Variants in IL12B observed in about 807,000 individuals in gnomAD.
The protein encoded by IL12B is interleukin 12B.
A neutral mutation model predicts 39.2 loss-of-function variants in IL12B; 27 were observed. That is an observed-to-expected ratio of 0.69 (90% CI 0.51 to 0.95). The LOEUF is 0.95. Among genes scored for constraint, IL12B ranks in the 40% least tolerant of loss-of-function variants. The probability of loss-of-function intolerance (pLI) is 0.00; values close to 1 mark genes in which losing one functional copy is unlikely to be tolerated. For missense variants in IL12B, 351 were observed against 397.6 expected (o/e 0.88, Z 1.00); for synonymous variants, 142 against 152.1 (o/e 0.93, Z 0.49).
chr5:159,316,706 C>G lies in IL12B; in HGVS notation c.966G>C (p.Trp322Cys). The G allele has an allele frequency of 6.2e-7, 1 of 1,613,500 alleles. No homozygotes were observed. Among genetic ancestry groups the G allele is most frequent in the Non-Finnish European group, 8.5e-7 (1 of 1,179,848 alleles). ...DRYYSSSWSE[W>C]ASVPCS The stretch of plus-strand genomic sequence containing the variant: ...TCACCTAACTGCAGGGCACAGATGC[C>G]CATTCGCTCCAAGATGAGCTATAGT... The change falls in exon 7 of 8, where the codon TGG becomes TGC. Residue 322 changes from tryptophan to cysteine, a missense_variant. Coordinates refer to ENST00000231228, the MANE Select transcript of IL12B (RefSeq NM_002187.3).
At chr5:159,322,289 G>T in intron 4 of IL12B, 105 bp downstream of exon 4, 1 of 809,186 alleles carries the variant, frequency 1.2e-6, no homozygotes, top group Non-Finnish European at 2.2e-6. Context: ...GTTTGACTTT[G>T]CTTTTCCCAT....
chr5:159,318,319 T>C (rs1009541375), intron 6 of IL12B, among the ~76,000 whole-genome samples: 2 of 152,216 alleles, frequency 1.3e-5, no homozygotes, highest in Non-Finnish European at 2.9e-5. Context: ...GAAAAGTAAT[T>C]ATGCATCACA....
intron 7 of IL12B, 98 bp downstream of exon 7, chr5:159,316,587 C>G: frequency 7.5e-7 from 1 of 1,337,194 alleles, no homozygotes; most frequent in East Asian, 2.5e-5. Context: ...GCTGGCCACT[C>G]CATCCCCCTT....
At position 159,316,833 on chromosome 5, in the gene IL12B, A is replaced by G; in HGVS notation, c.856-17T>C. On this transcript the variant is annotated splice_polypyrimidine_tract_variant and intron_variant, in intron 6 of 7. Coordinates refer to ENST00000231228, the MANE Select transcript of IL12B (RefSeq NM_002187.3). ...TCTATCTTTCTGCAAAAGAGAAGGA[A>G]AGCTGTGAAGACCCCTTGGCAACAT... 2 of 1,613,792 alleles carry G rather than the reference A, an allele frequency of 1.2e-6. No homozygotes were observed. The highest frequency in any genetic ancestry group is 1.3e-5 in the African/African-American group (1 of 75,050).
chr5:159,319,795 G>A (rs903080764), intron 5 of IL12B, among the ~76,000 whole-genome samples: 2 of 152,134 alleles, frequency 1.3e-5, no homozygotes, highest in Admixed American at 6.5e-5. Context: ...ATGCTGCCTG[G>A]TCAATGAATA....
chr5:159,325,238 T>C (rs1754165567), intron 2 of IL12B, among the ~76,000 whole-genome samples: 1 of 152,210 alleles, frequency 6.6e-6, no homozygotes, highest in African/African-American at 2.4e-5. Context: ...GGGTCAAATA[T>C]GCCAGGACCA....
intron 1 of IL12B, among the ~76,000 whole-genome samples, chr5:159,328,023 C>T (rs1754220915): frequency 6.6e-6 from 1 of 152,180 alleles, no homozygotes; most frequent in South Asian, 2.1e-4. Context: ...ATATGAAGGG[C>T]AATGCTCAAC....
Position 159,315,885 on chromosome 5 carries a change from G to C in IL12B, c.*216C>G, listed in dbSNP as rs1397821854. On this transcript the variant is annotated 3_prime_UTR_variant, in exon 8 of 8. Transcript: ENST00000231228. ...ATAGCATGAAGGCCCATGGCAACTT[G>C]AGAGCTGGAAAATCTATACATAAAT... The C allele has an allele frequency of 6.6e-6, 1 of 152,436 alleles. No individual in the cohort carries two copies. Among genetic ancestry groups the C allele is most frequent in the East Asian group, 1.9e-4 (1 of 5,328 alleles). 9.4% of individuals were successfully genotyped at this position (152,436 alleles called of 1,614,324 possible).
chr5:159,328,251 G>T (rs1231943887), intron 1 of IL12B, among the ~76,000 whole-genome samples: 1 of 152,140 alleles, frequency 6.6e-6, no homozygotes, highest in East Asian at 1.9e-4. Flanking sequence ...TAGGGGCATG[G>T]CTATCACTTC....
rs74644143 is a variant in IL12B, at chr5:159,318,842, C to T, written c.749G>A (p.Arg250Gln). ...GTACTCCCAGCTGACCTCCACCTGC[C>T]GAGAATTCTTTAATGGCTTCAGCTG... is the stretch of plus-strand genomic sequence containing the variant. ...NLQLKPLKNSRQVEVSWEYPD... is the reference protein window; with the variant it reads ...NLQLKPLKNSQQVEVSWEYPD... The change falls in exon 6 of 8, where the codon CGG (arginine) becomes CAG (glutamine). Residue 250 changes from arginine (R) to glutamine (Q), a missense_variant. Transcript: ENST00000231228. The T allele has an allele frequency of 3.3e-4, 540 of 1,613,958 alleles. No individual in the cohort carries two copies. The African/African-American group carries it at 6.5e-3, about 20-fold the overall frequency.
At chr5:159,330,061 AG>A (rs1754251898) in intron 1 of IL12B, among the ~76,000 whole-genome samples, 1 of 152,226 alleles carries the variant, frequency 6.6e-6, no homozygotes, top group Admixed American at 6.5e-5. Flanking sequence ...TTCAATAGTA[AG>A]GCAGGCACCA....
At chr5:159,317,616 G>A (rs953802800) in intron 6 of IL12B, among the ~76,000 whole-genome samples, 1 of 152,244 alleles carries the variant, frequency 6.6e-6, no homozygotes, top group African/African-American at 2.4e-5. Flanking sequence ...AGGGCCTCTG[G>A]AACCTTGCAA....
intron 4 of IL12B, among the ~76,000 whole-genome samples, 199 bp downstream of exon 4, chr5:159,322,195 C>T (rs1025582907): frequency 2.6e-5 from 4 of 152,188 alleles, no homozygotes; most frequent in Non-Finnish European, 5.9e-5. Context: ...CCTGCCCCAA[C>T]ACATACATTT....
chr5:159,321,620 A>T (rs1754095680), intron 4 of IL12B, among the ~76,000 whole-genome samples: 1 of 152,166 alleles, frequency 6.6e-6, no homozygotes, highest in Admixed American at 6.5e-5. Context: ...ATTAAGCAAG[A>T]GTATAGTGTA....
At chr5:159,324,503 C>G (rs145139712) in intron 2 of IL12B, among the ~76,000 whole-genome samples, 2 of 152,140 alleles carry the variant, frequency 1.3e-5, no homozygotes, top group East Asian at 3.8e-4. Flanking sequence ...AATCAGAAAC[C>G]TTGGGATGGA....
chr5:159,322,987 G>T (rs1754119012), intron 3 of IL12B, 67 bp downstream of exon 3: 2 of 1,470,104 alleles, frequency 1.4e-6, no homozygotes, highest in Non-Finnish European at 1.9e-6. Flanking sequence ...TCAATTTGTT[G>T]TTGTTGTTGT....
At chr5:159,316,379 G>A (rs1753989250) in intron 7 of IL12B, among the ~76,000 whole-genome samples, 1 of 152,166 alleles carries the variant, frequency 6.6e-6, no homozygotes, top group Non-Finnish European at 1.5e-5. Context: ...TCTGAGTCCT[G>A]CAAGCTTGCA....
rs144366632 is a variant in IL12B, at chr5:159,315,413, A to T, written c.*688T>A. Reference sequence around the variant, plus strand: ...CTTGTTATGTTTCCCAGGCTGGTCAATCATTTTTTTCTAGCCCTTTTAAAA... The same window carrying T: ...CTTGTTATGTTTCCCAGGCTGGTCATTCATTTTTTTCTAGCCCTTTTAAAA... On this transcript the variant is annotated 3_prime_UTR_variant, in exon 8 of 8. Transcript: ENST00000231228. 4 of 152,300 alleles carry T rather than the reference A, an allele frequency of 2.6e-5. No individual in the cohort carries two copies. The East Asian group carries it at 7.6e-4, about 29-fold the overall frequency. The allele number at this position is 152,300 out of a possible 1,614,324, so 9.4% of individuals were successfully genotyped here.
intron 4 of IL12B, among the ~76,000 whole-genome samples, chr5:159,320,802 AT>A (rs1754073409): frequency 6.6e-6 from 1 of 152,148 alleles, no homozygotes; most frequent in Non-Finnish European, 1.5e-5. Flanking sequence ...ACTTAAATTC[AT>A]TTTTTCCCAT....
Sources: gnomAD v4.1 joint callset for allele counts (sites outside exome capture counted in the v4.1 genomes callset) on GRCh38, gnomAD v4.1.1 for gene constraint, MANE v1.5 for transcripts, NCBI Gene and HGNC (gene_info 2026-07-23, HGNC 2026-07-21) for gene names.